The following RBM20 variants were observed in gnomAD, a reference collection of about 807,000 sequenced individuals.
The protein encoded by RBM20 is RNA binding motif protein 20.
RBM20 carries 51 observed loss-of-function variants against 110.1 expected under a neutral mutation model. The ratio of observed to expected loss-of-function variants is 0.46; its 90% CI spans 0.37 to 0.59. RBM20 has a LOEUF of 0.59. Ranked by LOEUF, RBM20 falls within the 20% of genes least tolerant of loss-of-function variation. The pLI, the probability that RBM20 is intolerant of heterozygous loss-of-function variation, is 0.00. For missense variants in RBM20, 1,512 were observed against 1,574.9 expected, an observed-to-expected ratio of 0.96 and a Z score of 0.68; for synonymous variants, 589 against 618.2, an observed-to-expected ratio of 0.95 and a Z score of 0.70.
At chr10:110,698,273 G>T (rs1310646659) in intron 1 of RBM20, among the ~76,000 whole-genome samples, 1 of 152,108 alleles carries the variant, frequency 6.6e-6, no homozygotes, top group Non-Finnish European at 1.5e-5. Context: ...TCCCAGCATT[G>T]CTCCAGCATG....
At chr10:110,721,991 C>T (rs1359953551) in intron 1 of RBM20, among the ~76,000 whole-genome samples, 1 of 152,090 alleles carries the variant, frequency 6.6e-6, no homozygotes, top group African/African-American at 2.4e-5. Flanking sequence ...TCCTTAGGCA[C>T]CTGCTCCTTC....
chr10:110,692,844 TTTTTG>T (rs796954310), intron 1 of RBM20, among the ~76,000 whole-genome samples: 2 of 151,916 alleles, frequency 1.3e-5, no homozygotes, highest in East Asian at 1.9e-4. Context: ...AACTTGCAGT[TTTTTG>T]TTTTGTTTTG....
At chr10:110,666,182 G>T (rs779289062) in intron 1 of RBM20, among the ~76,000 whole-genome samples, 5 of 152,196 alleles carry the variant, frequency 3.3e-5, no homozygotes, top group African/African-American at 4.8e-5. Flanking sequence ...GCTGGGTGGT[G>T]AGTACATGGA....
chr10:110,811,764 A>G (rs1395641369), intron 8 of RBM20, among the ~76,000 whole-genome samples: 3 of 152,130 alleles, frequency 2.0e-5, no homozygotes, highest in African/African-American at 7.2e-5. Flanking sequence ...AAATGAGAAA[A>G]CTGGAGGCTA....
At chr10:110,826,421 C>T (rs1468100753) in intron 12 of RBM20, among the ~76,000 whole-genome samples, 1 of 152,160 alleles carries the variant, frequency 6.6e-6, no homozygotes, top group Non-Finnish European at 1.5e-5. Flanking sequence ...GTGCAACCCC[C>T]AGGTAAAGGA....
chr10:110,802,383 C>T (rs1490149846), intron 7 of RBM20, among the ~76,000 whole-genome samples: 6 of 135,206 alleles, frequency 4.4e-5, no homozygotes, highest in African/African-American at 5.3e-5. Flanking sequence ...CAGAACCTGG[C>T]TTTTTTTTTT....
At chr10:110,786,740 AGGCACCTCT>A (rs1292395251) in intron 5 of RBM20, among the ~76,000 whole-genome samples, 1 of 152,176 alleles carries the variant, frequency 6.6e-6, no homozygotes, top group Non-Finnish European at 1.5e-5. Context: ...TGGGCCATGG[AGGCACCTCT>A]GTGCTCACAA....
intron 1 of RBM20, among the ~76,000 whole-genome samples, chr10:110,694,200 G>T (rs559566224): frequency 6.6e-6 from 1 of 152,152 alleles, no homozygotes; most frequent in Non-Finnish European, 1.5e-5. Context: ...ACACAGAAGC[G>T]CACAAAGCAG....
intron 1 of RBM20, among the ~76,000 whole-genome samples, chr10:110,723,878 A>G (rs774331255): frequency 5.3e-5 from 8 of 152,182 alleles, no homozygotes; most frequent in African/African-American, 1.9e-4. Context: ...TTCAGTTCAT[A>G]TGAAATTCCT....
chr10:110,680,648 A>C (rs375151192), intron 1 of RBM20, among the ~76,000 whole-genome samples: 18 of 152,244 alleles, frequency 1.2e-4, no homozygotes, highest in African/African-American at 4.3e-4. Flanking sequence ...CTGTCACGCA[A>C]TGCGTGTCAC....
intron 1 of RBM20, among the ~76,000 whole-genome samples, chr10:110,696,392 G>A (rs1356655502): frequency 1.3e-5 from 2 of 152,192 alleles, no homozygotes; most frequent in African/African-American, 2.4e-5. Context: ...TACAGATGGG[G>A]TTGGGAGGGA....
chr10:110,781,866 G>C lies in RBM20; in HGVS notation c.1257G>C (p.Lys419Asn), dbSNP rs570518490. 1.3e-6 allele frequency: 2 copies of C among 1,551,774 alleles called. No individual in the cohort carries two copies. Among genetic ancestry groups the C allele is most frequent in the Admixed American group, 2.0e-5 (1 of 51,008 alleles). The change falls in exon 2 of 14, where the codon AAG becomes AAC. Residue 419 changes from lysine (K) to asparagine (N), a missense_variant. Physicochemically the swap from Lys to Asn is moderately conservative, Grantham distance 94. Coordinates refer to ENST00000369519, the MANE Select transcript of RBM20 (RefSeq NM_001134363.3). Reference protein sequence around the residue: ...HLPHICSICDKKVFDLKDWEL... With the variant: ...HLPHICSICDNKVFDLKDWEL... Reference sequence around the variant, plus strand: ...CGCATATCTGTAGCATCTGTGACAAGAAGGTGTTTGATTTGAAGGTGAGTT... The same window carrying C: ...CGCATATCTGTAGCATCTGTGACAACAAGGTGTTTGATTTGAAGGTGAGTT...
chr10:110,677,078 G>T (rs997417382), intron 1 of RBM20, among the ~76,000 whole-genome samples: 3 of 152,126 alleles, frequency 2.0e-5, no homozygotes, highest in Admixed American at 2.0e-4. Context: ...AGGTCAAGGG[G>T]CTGCATCTGG....
chr10:110,722,700 T>C (rs1028949238), intron 1 of RBM20, among the ~76,000 whole-genome samples: 2 of 152,224 alleles, frequency 1.3e-5, no homozygotes, highest in Admixed American at 6.5e-5. Context: ...AGCTTGTTTG[T>C]ATGCTTCTAT....
At position 110,812,779 on chromosome 10, in the gene RBM20, A is replaced by C. The variant is rs999008497; in HGVS notation, c.2382A>C (p.Arg794Ser). The part of the protein sequence containing the change: ...RKDEARLRES[R>S]HPHPDDSGKE... ...ACGAGGCCAGGCTGCGGGAAAGCAGACACCCCCATCCGGATGACTCAGGCA... is the reference window on the plus strand; with the variant it reads ...ACGAGGCCAGGCTGCGGGAAAGCAGCCACCCCCATCCGGATGACTCAGGCA... Residue 794 changes from arginine (R) to serine (S), a missense_variant, in exon 9 of 14, where the codon AGA (arginine) becomes AGC (serine). Physicochemically the swap from Arg to Ser is moderately radical, Grantham distance 110 (BLOSUM62 -1). Coordinates refer to ENST00000369519, the MANE Select transcript of RBM20 (RefSeq NM_001134363.3). The C allele has an allele frequency of 2.7e-5, 42 of 1,551,516 alleles. No individual in the cohort carries two copies. The highest frequency in any genetic ancestry group is 3.5e-5 in the Non-Finnish European group (40 of 1,146,964).
At chr10:110,785,875 C>A (rs758106508) in intron 5 of RBM20, among the ~76,000 whole-genome samples, 8 of 151,850 alleles carry the variant, frequency 5.3e-5, no homozygotes, top group African/African-American at 1.7e-4. Flanking sequence ...TAGATTATTT[C>A]CTATGAGAGG....
rs111947268 is a variant in RBM20 at position 110,818,150 on chromosome 10, G to A, written c.2551-1922G>A. Among the ~76,000 whole-genome samples the A allele has an allele frequency of 1.6e-3, 248 of 151,544 alleles. 2 individuals are homozygous for A. The highest frequency in any genetic ancestry group is 5.8e-3 in the African/African-American group (238 of 41,306). On this transcript the variant is annotated intron_variant, in intron 9 of 13. Coordinates refer to ENST00000369519, the MANE Select transcript of RBM20 (RefSeq NM_001134363.3). ...CAAAAAAAAAAAAAAAATTAGCCAGGTGTGGTGGCAGGCACCTGTAATCCC... is the reference window on the plus strand; with the variant it reads ...CAAAAAAAAAAAAAAAATTAGCCAGATGTGGTGGCAGGCACCTGTAATCCC...
At chr10:110,744,599 T>C (rs1781241726) in intron 1 of RBM20, among the ~76,000 whole-genome samples, 1 of 152,192 alleles carries the variant, frequency 6.6e-6, no homozygotes, top group Admixed American at 6.5e-5. Flanking sequence ...GGGTGGATGC[T>C]AGTGATATTG....
At chr10:110,755,237 A>G (rs1002508498) in intron 1 of RBM20, among the ~76,000 whole-genome samples, 1 of 152,138 alleles carries the variant, frequency 6.6e-6, no homozygotes, top group African/African-American at 2.4e-5. Context: ...TACTGTAGGT[A>G]TATGTCTCCT....
Sources: allele counts gnomAD v4.1 joint callset (sites outside exome capture counted in the v4.1 genomes callset), GRCh38; gene constraint gnomAD v4.1.1; transcripts MANE v1.5; gene names NCBI Gene and HGNC (gene_info 2026-07-23, HGNC 2026-07-21).